CHODL: variants seen among roughly 807,000 people sequenced by gnomAD.
The protein encoded by CHODL is chondrolectin.
Under a neutral mutation model 34.5 loss-of-function variants are expected in CHODL, and 29 were observed. The ratio of observed to expected loss-of-function variants is 0.84; its 90% CI spans 0.63 to 1.15. CHODL has a LOEUF of 1.15. Ranked by LOEUF, CHODL falls within the 50% of genes most tolerant of loss-of-function variation. CHODL has a pLI of 0.00. For missense variants in CHODL, 332 were observed against 332.5 expected (o/e 1.00, Z 0.01); for synonymous variants, 125 against 116.1 (o/e 1.08, Z -0.49).
At chr21:18,146,134 A>ATTTT (rs574946951) in intron 2 of CHODL, among the ~76,000 whole-genome samples, 6,414 of 139,400 alleles carry the variant, frequency 0.046, 229 homozygotes, top group Non-Finnish European at 0.073. Context: ...CGCCCGGTTA[A>ATTTT]TTTTTTTTTT....
Position 17,920,726 on chromosome 21 carries a change from C to G in CHODL, c.-145+3326C>G, listed in dbSNP as rs148605159. Among the ~76,000 whole-genome samples, 1,218 of 152,296 alleles carry G rather than the reference C, an allele frequency of 8.0e-3. 18 individuals are homozygous for G. Among genetic ancestry groups the G allele is most frequent in the African/African-American group, 0.027 (1,122 of 41,554 alleles). Reference sequence around the variant, plus strand: ...ATTAACATTGTATGAGGATTAGCTGCAGTCAGTAGAGAGTGAGATCTATCG... The same window carrying G: ...ATTAACATTGTATGAGGATTAGCTGGAGTCAGTAGAGAGTGAGATCTATCG... On this transcript the variant is annotated intron_variant, in intron 1 of 6. Coordinates refer to the CHODL transcript ENST00000400127.
chr21:18,026,441 A>AGC (rs761138823), intron 1 of CHODL, among the ~76,000 whole-genome samples: 1 of 151,974 alleles, frequency 6.6e-6, no homozygotes, highest in Non-Finnish European at 1.5e-5. Context: ...TAGGGGTTCG[A>AGC]CAAGCTTGGA....
intron 2 of CHODL, among the ~76,000 whole-genome samples, chr21:18,083,125 G>T (rs2064962263): frequency 6.6e-6 from 1 of 152,204 alleles, no homozygotes; most frequent in Admixed American, 6.5e-5. Context: ...CCAGGGCCTT[G>T]CTGCTCTTTG....
intron 2 of CHODL, among the ~76,000 whole-genome samples, chr21:18,033,229 C>A (rs1191042267): frequency 6.6e-6 from 1 of 151,796 alleles, no homozygotes; most frequent in African/African-American, 2.4e-5. Flanking sequence ...ATAGGTAATG[C>A]AAAGACAATA....
At chr21:18,047,039 T>C (rs1456206607) in intron 2 of CHODL, among the ~76,000 whole-genome samples, 1 of 151,930 alleles carries the variant, frequency 6.6e-6, no homozygotes, top group Non-Finnish European at 1.5e-5. Context: ...AGCAGTTCCC[T>C]GACACTGGTG....
chr21:18,229,834 T>G (rs935172914), intron 2 of CHODL, among the ~76,000 whole-genome samples: 1 of 152,110 alleles, frequency 6.6e-6, no homozygotes, highest in East Asian at 1.9e-4. Flanking sequence ...CGCTACATCA[T>G]GTTTTCTCTT....
intron 2 of CHODL, among the ~76,000 whole-genome samples, chr21:18,135,806 TA>T (rs2072715022): frequency 6.6e-6 from 1 of 152,090 alleles, no homozygotes; most frequent in African/African-American, 2.4e-5. Context: ...TGAGTGAATG[TA>T]TGGATAAATA....
At chr21:18,001,768 A>G (rs2063908558) in intron 1 of CHODL, among the ~76,000 whole-genome samples, 1 of 135,148 alleles carries the variant, frequency 7.4e-6, no homozygotes, top group South Asian at 2.4e-4. Context: ...CGTTGGCCTC[A>G]TCCTCTTTTT....
intron 1 of CHODL, among the ~76,000 whole-genome samples, chr21:18,021,315 CAA>C (rs2146425840): frequency 6.6e-6 from 1 of 152,296 alleles, no homozygotes; most frequent in African/African-American, 2.4e-5. Context: ...AAGTGACAAT[CAA>C]GAGAGCTCTC....
At chr21:17,998,906 C>T (rs576758911) in intron 1 of CHODL, among the ~76,000 whole-genome samples, 1 of 152,332 alleles carries the variant, frequency 6.6e-6, no homozygotes, top group South Asian at 2.1e-4. Flanking sequence ...TGGTGATTAA[C>T]ATTAGGCTCC....
chr21:17,950,952 C>T (rs183309989), intron 1 of CHODL, among the ~76,000 whole-genome samples: 133 of 152,082 alleles, frequency 8.7e-4, no homozygotes, highest in African/African-American at 3.0e-3. Flanking sequence ...GTCACAAATT[C>T]CTGTGGTCTG....
At chr21:18,080,509 A>T (rs1458839291) in intron 2 of CHODL, among the ~76,000 whole-genome samples, 3 of 152,124 alleles carry the variant, frequency 2.0e-5, no homozygotes, top group Admixed American at 2.0e-4. Context: ...ATTTTTGTAT[A>T]TGGTGAGAGG....
chr21:17,981,823 A>T (rs551294869), intron 1 of CHODL, among the ~76,000 whole-genome samples: 1 of 152,246 alleles, frequency 6.6e-6, no homozygotes, highest in African/African-American at 2.4e-5. Flanking sequence ...AGCTTAGAGG[A>T]TTAATAAAAT....
At chr21:18,235,074 C>T (rs2074016844) in intron 2 of CHODL, among the ~76,000 whole-genome samples, 1 of 151,808 alleles carries the variant, frequency 6.6e-6, no homozygotes, top group African/African-American at 2.4e-5. Flanking sequence ...ATGGAGGTGC[C>T]CAGTGTGGTA....
At chr21:18,236,937 C>A (rs1283107149) in intron 2 of CHODL, among the ~76,000 whole-genome samples, 1 of 151,986 alleles carries the variant, frequency 6.6e-6, no homozygotes, top group Non-Finnish European at 1.5e-5. Context: ...ATGGAGGATA[C>A]AGAATATGTT....
intron 2 of CHODL, among the ~76,000 whole-genome samples, chr21:18,209,237 A>G (rs1282318806): frequency 6.6e-6 from 1 of 152,156 alleles, no homozygotes; most frequent in Non-Finnish European, 1.5e-5. Flanking sequence ...AAGCCACAAG[A>G]CAAAAAGTTC....
At chr21:18,130,269 A>G (rs73200971) in intron 2 of CHODL, among the ~76,000 whole-genome samples, 10,717 of 152,300 alleles carry the variant, frequency 0.07, 411 homozygotes, top group Middle Eastern at 0.12. Context: ...TTATTACAAA[A>G]TGCTTAACGC....
chr21:18,155,609 G>A (rs1347821457), intron 2 of CHODL, among the ~76,000 whole-genome samples: 1 of 152,182 alleles, frequency 6.6e-6, no homozygotes, highest in Non-Finnish European at 1.5e-5. Flanking sequence ...GAATTTCGAG[G>A]TTGTTAGAGA....
intron 1 of CHODL, among the ~76,000 whole-genome samples, chr21:18,253,733 A>G (rs1447299957): frequency 1.3e-5 from 2 of 152,152 alleles, no homozygotes; most frequent in Non-Finnish European, 2.9e-5. Context: ...ATTTATTTTC[A>G]GGCTGATTTG....
Sources: allele counts gnomAD v4.1 joint callset (sites outside exome capture counted in the v4.1 genomes callset), GRCh38; gene constraint gnomAD v4.1.1; transcripts MANE v1.5; gene names NCBI Gene and HGNC (gene_info 2026-07-23, HGNC 2026-07-21).